MBOAT2: variants seen among roughly 807,000 people sequenced by gnomAD.
The protein encoded by MBOAT2 is membrane bound glycerophospholipid O-acyltransferase 2.
In MBOAT2, 28 loss-of-function variants were observed where a neutral mutation model predicts 63.4. The ratio of observed to expected loss-of-function variants is 0.44; its 90% confidence interval spans 0.33 to 0.61. The LOEUF (loss-of-function observed/expected upper bound fraction) is 0.61, where lower values mean the gene tolerates loss of function less well. Ranked by LOEUF, MBOAT2 falls within the 20% of genes least tolerant of loss-of-function variation. The probability of loss-of-function intolerance (pLI) is 0.03; values close to 1 mark genes in which losing one functional copy is unlikely to be tolerated. For synonymous variants in MBOAT2, 211 were observed against 215.6 expected, an observed-to-expected ratio of 0.98 and a Z score of 0.19; for missense variants, 470 against 605.8, an observed-to-expected ratio of 0.78 and a Z score of 2.35.
intron 4 of MBOAT2, among the ~76,000 whole-genome samples, chr2:8,907,271 G>A (rs1273741869): frequency 6.6e-6 from 1 of 152,058 alleles, no homozygotes; most frequent in African/African-American, 2.4e-5. Flanking sequence ...TTTTCTCACT[G>A]TATTTTCAAC....
chr2:8,926,119 G>T (rs746638313), intron 3 of MBOAT2, among the ~76,000 whole-genome samples: 1 of 152,010 alleles, frequency 6.6e-6, no homozygotes, highest in Non-Finnish European at 1.5e-5. Flanking sequence ...TTGTTTGTTT[G>T]TTTGTTTTGT....
At chr2:8,906,804 T>C (rs1199671629) in intron 4 of MBOAT2, among the ~76,000 whole-genome samples, 3 of 152,238 alleles carry the variant, frequency 2.0e-5, no homozygotes, top group African/African-American at 7.2e-5. Context: ...GTACAATAAA[T>C]TCAATTTGCC....
chr2:8,943,252 GTGT>G lies in MBOAT2; in HGVS notation c.231_233del (p.Leu77_His78delinsPhe). Reference sequence around the variant, plus strand: ...AGGAAATTCCACTTTGTACAAGAAAGTGTAAGGCATACCTATAAAAAGTAAGAG... The same window carrying G: ...AGGAAATTCCACTTTGTACAAGAAAGAAGGCATACCTATAAAAAGTAAGAG... On this transcript the variant is annotated inframe_deletion, in exon 3 of 13. Coordinates refer to ENST00000305997, the MANE Select transcript of MBOAT2 (RefSeq NM_138799.4). 1 of 1,573,050 alleles carries G rather than the reference GTGT, an allele frequency of 6.4e-7. No homozygotes were observed.
At chr2:8,963,049 G>A (rs907080793) in intron 1 of MBOAT2, among the ~76,000 whole-genome samples, 8 of 151,922 alleles carry the variant, frequency 5.3e-5, no homozygotes, top group African/African-American at 1.9e-4. Context: ...TTGAGCCTGG[G>A]CAACATGGTG....
chr2:8,861,603 G>A (rs1014092056), intron 11 of MBOAT2, among the ~76,000 whole-genome samples: 1 of 152,156 alleles, frequency 6.6e-6, no homozygotes, highest in African/African-American at 2.4e-5. Flanking sequence ...ATGTCCTTCC[G>A]ATGCTTAGAA....
At chr2:8,936,176 G>C (rs1308276623) in intron 3 of MBOAT2, among the ~76,000 whole-genome samples, 1 of 152,182 alleles carries the variant, frequency 6.6e-6, no homozygotes, top group African/African-American at 2.4e-5. Context: ...TGACGGGACA[G>C]AGTCTGTCTT....
At chr2:8,909,154 C>T (rs1038881036) in intron 3 of MBOAT2, among the ~76,000 whole-genome samples, 10 of 152,142 alleles carry the variant, frequency 6.6e-5, no homozygotes, top group East Asian at 1.9e-4. Context: ...AAGTATGAGT[C>T]GGGTGGCATT....
In MBOAT2 at chr2:8,958,615, CAA is replaced by C; in HGVS notation, c.101_102del (p.Phe34CysfsTer18). ...DQVNFVVCQL[F>X]ALLAAIWFRT... is the part of the protein sequence containing the mutation. ...CGAAACCAAATGGCTGCTAGCAAGG[CAA>C]AGAGTTGGCACACTACAAAGTTGAC... On this transcript the variant is annotated frameshift_variant, in exon 2 of 13. Transcript: ENST00000305997. LOFTEE classifies it high-confidence loss of function. 1.2e-6 allele frequency: 2 copies of C among 1,606,762 alleles called. No individual in the cohort carries two copies. The highest frequency in any genetic ancestry group is 1.7e-6 in the Non-Finnish European group (2 of 1,177,724).
In MBOAT2 at chr2:8,868,548, A is replaced by G; in HGVS notation, c.885T>C (p.Ala295=). Residue 295 remains alanine (A), a splice_region_variant and synonymous_variant, in exon 9 of 13, where the codon GCT becomes GCC. Transcript: ENST00000305997. ...AGCCTGCAGCATTATTAATGGCATC[A>G]GCTATAGAAAACAACATTAGAAAAA... is the stretch of plus-strand genomic sequence containing the variant. ...RPKYYFAWTL[A]DAINNAAGFG... is the part of the protein sequence containing the mutation. 3 of 1,609,178 alleles carry G rather than the reference A, an allele frequency of 1.9e-6. No individual in the cohort carries two copies. Among genetic ancestry groups the G allele is most frequent in the Non-Finnish European group, 2.5e-6 (3 of 1,178,050 alleles).
At chr2:8,944,164 A>G (rs1288590574) in intron 2 of MBOAT2, among the ~76,000 whole-genome samples, 2 of 152,166 alleles carry the variant, frequency 1.3e-5, no homozygotes, top group Non-Finnish European at 2.9e-5. Context: ...TGGCCAGCCC[A>G]TGACATGGTA....
At chr2:8,987,899 T>G (rs984261946) in intron 1 of MBOAT2, among the ~76,000 whole-genome samples, 1 of 152,190 alleles carries the variant, frequency 6.6e-6, no homozygotes, top group Non-Finnish European at 1.5e-5. Context: ...CTATTTATAC[T>G]TTTTTATTTT....
intron 3 of MBOAT2, among the ~76,000 whole-genome samples, chr2:8,926,385 A>G (rs1666935554): frequency 6.6e-6 from 1 of 152,234 alleles, no homozygotes; most frequent in Admixed American, 6.5e-5. Context: ...GTACGACTCT[A>G]GGTAGAAAAC....
intron 2 of MBOAT2, among the ~76,000 whole-genome samples, chr2:8,952,738 C>CTTTT (rs1283665939): frequency 1.4e-5 from 2 of 138,072 alleles, no homozygotes; most frequent in South Asian, 2.3e-4. Flanking sequence ...ATGTAACGCC[C>CTTTT]TTTTTTTTTT....
intron 3 of MBOAT2, among the ~76,000 whole-genome samples, chr2:8,926,511 G>C (rs974067136): frequency 6.6e-6 from 1 of 152,200 alleles, no homozygotes; most frequent in African/African-American, 2.4e-5. Context: ...GGGGCAGGGG[G>C]CTCCCTGCAA....
intron 2 of MBOAT2, among the ~76,000 whole-genome samples, chr2:8,952,173 T>C (rs187743592): frequency 2.6e-5 from 4 of 152,368 alleles, no homozygotes; most frequent in Admixed American, 1.3e-4. Context: ...GATTTCATTG[T>C]TTATCCGAAG....
Position 8,858,645 on chromosome 2 carries a change from C to CAAAAAA in MBOAT2, c.*28_*33dup. The CAAAAAA allele has an allele frequency of 8.1e-7, 1 of 1,233,944 alleles. No homozygotes were observed. The highest frequency in any genetic ancestry group is 1.1e-6 in the Non-Finnish European group (1 of 899,974). 76.4% of individuals were successfully genotyped at this position (1,233,944 alleles called of 1,614,324 possible). A position where few individuals can be genotyped will look rare whatever the true frequency, so the allele number is the denominator to read the frequency against. On this transcript the variant is annotated 3_prime_UTR_variant, in exon 13 of 13. Transcript: ENST00000305997. ...TGCTAAGATTGGTTTCTGTTAACATCAAAAAAAAAAAACAGCCCTCAGAGC... is the reference window on the plus strand; with the variant it reads ...TGCTAAGATTGGTTTCTGTTAACATCAAAAAAAAAAAAAAAAAACAGCCCTCAGAGC...
At chr2:8,950,458 C>T (rs1271567439) in intron 2 of MBOAT2, among the ~76,000 whole-genome samples, 1 of 152,138 alleles carries the variant, frequency 6.6e-6, no homozygotes, top group Non-Finnish European at 1.5e-5. Flanking sequence ...GACACAGTCT[C>T]GCTCTGTCAC....
chr2:8,939,955 A>G (rs1047385432), intron 3 of MBOAT2, among the ~76,000 whole-genome samples: 3 of 152,176 alleles, frequency 2.0e-5, no homozygotes, highest in African/African-American at 7.2e-5. Flanking sequence ...TCGTGCAAAT[A>G]AATTTCAGTC....
At chr2:8,927,706 G>C (rs1187241648) in intron 3 of MBOAT2, among the ~76,000 whole-genome samples, 1 of 152,098 alleles carries the variant, frequency 6.6e-6, no homozygotes, top group African/African-American at 2.4e-5. Flanking sequence ...AGGAGAACTG[G>C]GGAAGGGGAA....
Sources: allele counts gnomAD v4.1 joint callset (sites outside exome capture counted in the v4.1 genomes callset), GRCh38; gene constraint gnomAD v4.1.1; transcripts MANE v1.5; gene names NCBI Gene and HGNC (gene_info 2026-07-23, HGNC 2026-07-21).